The following PBX1 variants were observed in gnomAD, a reference collection of about 807,000 sequenced individuals.
The protein encoded by PBX1 is pre-B-cell leukemia transcription factor 1.
Under a neutral mutation model 53.4 loss-of-function variants are expected in PBX1, and 6 were observed. The ratio of observed to expected loss-of-function variants is 0.11; its 90% CI spans 0.06 to 0.22. The LOEUF is 0.22. Ranked by LOEUF, PBX1 falls within the 10% of genes least tolerant of loss-of-function variation. PBX1 has a pLI of 1.00. For missense variants in PBX1, 251 were observed against 551.4 expected (o/e 0.46, Z 5.46); for synonymous variants, 204 against 212.3 (o/e 0.96, Z 0.34).
At chr1:164,816,254 A>G (rs1669876220) in intron 6 of PBX1, 1 of 152,316 alleles carries the variant, frequency 6.6e-6, no homozygotes, top group South Asian at 2.1e-4. Flanking sequence ...AGTAGAAAGT[A>G]ACAATGAATT....
At chr1:164,632,183 C>T (rs1430174183) in intron 2 of PBX1, among the ~76,000 whole-genome samples, 1 of 152,186 alleles carries the variant, frequency 6.6e-6, no homozygotes, top group Non-Finnish European at 1.5e-5. Context: ...CCCTTCTGCC[C>T]TGAAACCACA....
chr1:164,748,391 C>T (rs963749800), intron 2 of PBX1, among the ~76,000 whole-genome samples: 14 of 152,082 alleles, frequency 9.2e-5, no homozygotes, highest in Non-Finnish European at 1.5e-5. Context: ...CTATATCCGG[C>T]CTCTTTGGAA....
intron 2 of PBX1, among the ~76,000 whole-genome samples, chr1:164,662,723 C>T (rs1271670257): frequency 2.0e-5 from 3 of 152,094 alleles, no homozygotes; most frequent in African/African-American, 7.2e-5. Flanking sequence ...TTGTCTTTCC[C>T]GTAATTGCCT....
intron 2 of PBX1, among the ~76,000 whole-genome samples, chr1:164,570,731 G>A (rs1653787793): frequency 6.6e-6 from 1 of 152,188 alleles, no homozygotes; most frequent in Non-Finnish European, 1.5e-5. Flanking sequence ...GCAGTGATGG[G>A]ATTGCTGGGT....
intron 2 of PBX1, among the ~76,000 whole-genome samples, chr1:164,597,000 T>TA (rs1182316363): frequency 1.3e-5 from 2 of 152,218 alleles, no homozygotes; most frequent in African/African-American, 4.8e-5. Flanking sequence ...TTGGATCAGT[T>TA]ACTTGCATGC....
At chr1:164,800,756 G>A (rs1228111413) in intron 4 of PBX1, among the ~76,000 whole-genome samples, 1 of 152,114 alleles carries the variant, frequency 6.6e-6, no homozygotes, top group Non-Finnish European at 1.5e-5. Flanking sequence ...GTGATCTAGA[G>A]TTTGTCTTAA....
intron 2 of PBX1, among the ~76,000 whole-genome samples, chr1:164,711,652 A>C (rs567067691): frequency 1.3e-5 from 2 of 152,202 alleles, no homozygotes; most frequent in Non-Finnish European, 2.9e-5. Context: ...GAATCTCATG[A>C]AAGAGCATTG....
intron 2 of PBX1, among the ~76,000 whole-genome samples, chr1:164,717,146 A>T (rs950499957): frequency 3.9e-5 from 6 of 152,204 alleles, no homozygotes; most frequent in Admixed American, 1.3e-4. Flanking sequence ...AAATAAAGGA[A>T]GTGATACTGG....
chr1:164,655,098 G>GTTTTTT (rs1385024281), intron 2 of PBX1, among the ~76,000 whole-genome samples: 13 of 38,336 alleles, frequency 3.4e-4, no homozygotes, highest in African/African-American at 1.0e-3. Flanking sequence ...TCTCTGATGT[G>GTTTTTT]TGTTTTTTTT....
chr1:164,709,511 A>T (rs1327283095), intron 2 of PBX1, among the ~76,000 whole-genome samples: 1 of 152,112 alleles, frequency 6.6e-6, no homozygotes, highest in Admixed American at 6.5e-5. Flanking sequence ...TCAGATTCTG[A>T]TGGCAACTCG....
intron 2 of PBX1, among the ~76,000 whole-genome samples, chr1:164,670,946 T>C (rs1297858223): frequency 1.3e-5 from 2 of 152,136 alleles, no homozygotes; most frequent in African/African-American, 2.4e-5. Context: ...TGGTAAGTGT[T>C]CCCTAATAAA....
chr1:164,690,309 G>A (rs1258338735), intron 2 of PBX1, among the ~76,000 whole-genome samples: 1 of 152,172 alleles, frequency 6.6e-6, no homozygotes, highest in Non-Finnish European at 1.5e-5. Context: ...TGGTGGGGAA[G>A]AATAGAGAGG....
chr1:164,825,258 C>G (rs1376893635), intron 8 of PBX1, among the ~76,000 whole-genome samples: 1 of 152,164 alleles, frequency 6.6e-6, no homozygotes, highest in Non-Finnish European at 1.5e-5. Flanking sequence ...AGCCCAGCTC[C>G]TCCTTCGTGT....
intron 2 of PBX1, among the ~76,000 whole-genome samples, chr1:164,681,778 A>G (rs973366001): frequency 3.3e-5 from 5 of 152,156 alleles, no homozygotes; most frequent in Non-Finnish European, 5.9e-5. Context: ...CCCCCATGAC[A>G]TGTAATTTAC....
At chr1:164,633,737 G>A (rs970936211) in intron 2 of PBX1, among the ~76,000 whole-genome samples, 2 of 152,234 alleles carry the variant, frequency 1.3e-5, no homozygotes, top group South Asian at 4.2e-4. Flanking sequence ...AGTTGTTTTG[G>A]ACACATTATT....
At chr1:164,616,320 C>T (rs1299272548) in intron 2 of PBX1, among the ~76,000 whole-genome samples, 2 of 152,142 alleles carry the variant, frequency 1.3e-5, no homozygotes, top group East Asian at 3.9e-4. Flanking sequence ...GCCCCTGGGT[C>T]TCCCTCCCCA....
At chr1:164,708,636 T>C (rs1394230863) in intron 2 of PBX1, among the ~76,000 whole-genome samples, 1 of 152,194 alleles carries the variant, frequency 6.6e-6, no homozygotes, top group Non-Finnish European at 1.5e-5. Flanking sequence ...CACTTGTAAG[T>C]GTGAATGTGC....
At chr1:164,783,547 G>A (rs1424115342) in intron 2 of PBX1, among the ~76,000 whole-genome samples, 3 of 152,140 alleles carry the variant, frequency 2.0e-5, no homozygotes, top group Non-Finnish European at 2.9e-5. Context: ...ATCTTTATCA[G>A]TGAGATTGAT....
At chr1:164,724,886 C>G (rs1402143919) in intron 2 of PBX1, among the ~76,000 whole-genome samples, 2 of 151,818 alleles carry the variant, frequency 1.3e-5, no homozygotes, top group African/African-American at 4.8e-5. Context: ...AACATCCAGG[C>G]TGTTTACATA....
Sources: gnomAD v4.1 joint callset for allele counts (sites outside exome capture counted in the v4.1 genomes callset) on GRCh38, gnomAD v4.1.1 for gene constraint, MANE v1.5 for transcripts, NCBI Gene and HGNC (gene_info 2026-07-23, HGNC 2026-07-21) for gene names.